GNG12: variants seen among roughly 807,000 people sequenced by gnomAD.
GNG12 encodes the protein guanine nucleotide-binding protein G(I)/G(S)/G(O) subunit gamma-12.
For synonymous variants in GNG12, 28 were observed against 29.7 expected, an observed-to-expected ratio of 0.94 and a Z score of 0.19; for missense variants, 69 against 83.8, an observed-to-expected ratio of 0.82 and a Z score of 0.69.
At chr1:67,741,623 T>C (rs538061932) in intron 2 of GNG12, among the ~76,000 whole-genome samples, 1 of 152,210 alleles carries the variant, frequency 6.6e-6, no homozygotes, top group East Asian at 1.9e-4. Context: ...TTTGAGTCTA[T>C]AACAATTAAG....
At chr1:67,820,087 T>TA (rs34568221) in intron 1 of GNG12, among the ~76,000 whole-genome samples, 87,882 of 145,298 alleles carry the variant, frequency 0.6, 26,312 homozygotes, top group Middle Eastern at 0.72. Flanking sequence ...TTTGCTGAAT[T>TA]AAAAAAAAAA....
At chr1:67,833,277 G>T in intron 1 of GNG12, 67 bp downstream of exon 1, 1 of 531,076 alleles carries the variant, frequency 1.9e-6, no homozygotes, top group Non-Finnish European at 2.4e-6. Flanking sequence ...GCTGGCCGAC[G>T]CCCCGCGCCG....
intron 2 of GNG12, among the ~76,000 whole-genome samples, chr1:67,753,221 T>C (rs934393357): frequency 6.6e-6 from 1 of 152,144 alleles, no homozygotes; most frequent in Non-Finnish European, 1.5e-5. Flanking sequence ...ATCCCAAATC[T>C]GAAAATCCAA....
chr1:67,813,505 G>A (rs1646937720), intron 1 of GNG12, among the ~76,000 whole-genome samples: 1 of 152,176 alleles, frequency 6.6e-6, no homozygotes, highest in Non-Finnish European at 1.5e-5. Context: ...CAAGGAAACT[G>A]GAACAATTCT....
At chr1:67,825,922 C>T (rs983255187) in intron 1 of GNG12, among the ~76,000 whole-genome samples, 1 of 152,196 alleles carries the variant, frequency 6.6e-6, no homozygotes, top group Non-Finnish European at 1.5e-5. Context: ...ACCTACCCCT[C>T]AGAAATAATG....
chr1:67,721,271 T>A (rs1233712805), intron 2 of GNG12, among the ~76,000 whole-genome samples: 1 of 152,144 alleles, frequency 6.6e-6, no homozygotes, highest in Non-Finnish European at 1.5e-5. Context: ...GTGCTAAGCA[T>A]GTGTGAAGGA....
intron 2 of GNG12, among the ~76,000 whole-genome samples, chr1:67,748,929 T>G (rs971139157): frequency 6.6e-6 from 1 of 152,024 alleles, no homozygotes; most frequent in Admixed American, 6.5e-5. Context: ...AAGTCCAGAA[T>G]AGCCTCTCCC....
At chr1:67,722,845 T>C (rs767470067) in intron 2 of GNG12, among the ~76,000 whole-genome samples, 2 of 152,126 alleles carry the variant, frequency 1.3e-5, no homozygotes, top group Non-Finnish European at 2.9e-5. Flanking sequence ...GCAGGCAACA[T>C]GGTCAGGGCT....
chr1:67,708,375 T>G (rs1309577091), intron 2 of GNG12, among the ~76,000 whole-genome samples: 2 of 152,200 alleles, frequency 1.3e-5, no homozygotes, highest in Non-Finnish European at 2.9e-5. Context: ...GATATATGAG[T>G]AGCCTACAGT....
At chr1:67,780,642 A>T (rs1419858307) in intron 1 of GNG12, among the ~76,000 whole-genome samples, 1 of 152,188 alleles carries the variant, frequency 6.6e-6, no homozygotes, top group Non-Finnish European at 1.5e-5. Context: ...CACCAGTATA[A>T]AGAATCTTCA....
chr1:67,808,084 T>C (rs917765672), intron 1 of GNG12, among the ~76,000 whole-genome samples: 1 of 151,982 alleles, frequency 6.6e-6, no homozygotes, highest in Non-Finnish European at 1.5e-5. Flanking sequence ...AATCCAACAA[T>C]GTAAAAAAGA....
intron 1 of GNG12, among the ~76,000 whole-genome samples, chr1:67,779,046 G>A (rs762315524): frequency 1.3e-5 from 2 of 152,132 alleles, no homozygotes; most frequent in Non-Finnish European, 2.9e-5. Flanking sequence ...TTAATGTGAG[G>A]TCCATGGAAA....
intron 1 of GNG12, among the ~76,000 whole-genome samples, chr1:67,829,243 CT>C (rs1647029400): frequency 6.6e-6 from 1 of 152,138 alleles, no homozygotes; most frequent in Non-Finnish European, 1.5e-5. Flanking sequence ...GTGCATACTG[CT>C]TTTCCCCATT....
At position 67,777,468 on chromosome 1, in the gene GNG12, TTGTG is replaced by T. The variant is rs1646712405; in HGVS notation, c.-41_-38del. On this transcript the variant is annotated 5_prime_UTR_variant, in exon 2 of 4. Transcript: ENST00000370982. ...AAATGAAGAACTTACCAGTAAGACT[TTGTG>T]TGGTCCAATGTTTTCAGGTTTTAAG... 2 of 922,328 alleles carry T rather than the reference TTGTG, an allele frequency of 2.2e-6. No individual in the cohort carries two copies. The highest frequency in any genetic ancestry group is 2.6e-6 in the Non-Finnish European group (2 of 772,422). The allele number at this position is 922,328 out of a possible 1,614,324, so 57.1% of individuals were successfully genotyped here.
At chr1:67,784,301 C>T (rs1358979777) in intron 1 of GNG12, among the ~76,000 whole-genome samples, 1 of 124,594 alleles carries the variant, frequency 8.0e-6, no homozygotes, top group East Asian at 2.4e-4. Flanking sequence ...GAACATCACA[C>T]TCTGGGGACT....
chr1:67,785,338 C>T (rs1008005862), intron 1 of GNG12, among the ~76,000 whole-genome samples: 6 of 152,070 alleles, frequency 3.9e-5, no homozygotes, highest in Admixed American at 3.3e-4. Flanking sequence ...TTAAGTTTTA[C>T]TTGATTATTA....
intron 2 of GNG12, among the ~76,000 whole-genome samples, chr1:67,719,309 A>C (rs1383708554): frequency 1.3e-5 from 2 of 152,132 alleles, no homozygotes; most frequent in Non-Finnish European, 2.9e-5. Flanking sequence ...AATTTTGTTT[A>C]TAGTAATTAA....
intron 1 of GNG12, among the ~76,000 whole-genome samples, chr1:67,782,924 T>C (rs17130274): frequency 0.083 from 12,584 of 152,238 alleles, 646 homozygotes; most frequent in African/African-American, 0.12. Context: ...ATAGTTTATA[T>C]GCTATTAGTA....
chr1:67,801,931 AG>A (rs34364045), intron 1 of GNG12, among the ~76,000 whole-genome samples: 39,435 of 149,540 alleles, frequency 0.26, 5,807 homozygotes, highest in Admixed American at 0.34. Context: ...AAGGAAGGGA[AG>A]GGGGAAGGAA....
Sources: gnomAD v4.1 joint callset for allele counts (sites outside exome capture counted in the v4.1 genomes callset) on GRCh38, gnomAD v4.1.1 for gene constraint, MANE v1.5 for transcripts, NCBI Gene and HGNC (gene_info 2026-07-23, HGNC 2026-07-21) for gene names.